The following SLC18A1 variants were observed in gnomAD, a reference collection of about 807,000 sequenced individuals.
SLC18A1 encodes the protein solute carrier family 18 member A1.
Under a neutral mutation model 53.7 loss-of-function variants are expected in SLC18A1, and 69 were observed. That is an observed-to-expected ratio of 1.28 (90% CI 1.06 to 1.57). The LOEUF (loss-of-function observed/expected upper bound fraction) is 1.57, where lower values mean the gene tolerates loss of function less well. Ranked by LOEUF, SLC18A1 falls within the 40% of genes most tolerant of loss-of-function variation. The pLI, the probability that SLC18A1 is intolerant of heterozygous loss-of-function variation, is 0.00. For synonymous variants in SLC18A1, 320 were observed against 248.1 expected, an observed-to-expected ratio of 1.29 and a Z score of -2.72; for missense variants, 932 against 668.1, an observed-to-expected ratio of 1.40 and a Z score of -4.35.
intron 4 of SLC18A1, among the ~76,000 whole-genome samples, chr8:20,177,957 C>T (rs915797626): frequency 6.6e-6 from 1 of 152,050 alleles, no homozygotes; most frequent in Non-Finnish European, 1.5e-5. Flanking sequence ...CCTTTAAAGC[C>T]CTTAACTGAA....
At chr8:20,163,435 T>C (rs529557911) in intron 10 of SLC18A1, among the ~76,000 whole-genome samples, 1 of 152,270 alleles carries the variant, frequency 6.6e-6, no homozygotes, top group South Asian at 2.1e-4. Context: ...AGTGACGTGG[T>C]CAGCATTCAA....
chr8:20,165,250 A>T, intron 8 of SLC18A1, 143 bp from the exon 9 acceptor site: 1 of 713,292 alleles, frequency 1.4e-6, no homozygotes, highest in Non-Finnish European at 2.4e-6. Flanking sequence ...ACCCCAGTAC[A>T]GGGAGAGAAA....
At chr8:20,149,423 C>T (rs2071488021) in intron 12 of SLC18A1, among the ~76,000 whole-genome samples, 1 of 152,092 alleles carries the variant, frequency 6.6e-6, no homozygotes, top group South Asian at 2.1e-4. Context: ...CCTCTCCTTT[C>T]CCACTTCCCC....
chr8:20,177,578 T>A (rs1178894285), intron 4 of SLC18A1, among the ~76,000 whole-genome samples: 1 of 152,178 alleles, frequency 6.6e-6, no homozygotes, highest in Admixed American at 6.5e-5. Context: ...ACATGGCACA[T>A]GTATACATAC....
chr8:20,148,543 G>T, intron 12 of SLC18A1: 1 of 1,126,744 alleles, frequency 8.9e-7, no homozygotes, highest in Non-Finnish European at 1.2e-6. Flanking sequence ...ATAGAGAAGA[G>T]GCCCCAACAA....
intron 5 of SLC18A1, among the ~76,000 whole-genome samples, chr8:20,173,825 A>T (rs1176078078): frequency 6.6e-6 from 1 of 152,052 alleles, no homozygotes; most frequent in Non-Finnish European, 1.5e-5. Flanking sequence ...GCTGCATCTG[A>T]ATATTAGCAG....
chr8:20,173,793 A>C (rs2072185714), intron 5 of SLC18A1, among the ~76,000 whole-genome samples: 2 of 151,946 alleles, frequency 1.3e-5, no homozygotes. Flanking sequence ...GCTTCACTGG[A>C]GGCTTGCTCT....
chr8:20,161,286 G>C (rs1160153960), intron 10 of SLC18A1, among the ~76,000 whole-genome samples: 1 of 151,970 alleles, frequency 6.6e-6, no homozygotes, highest in Non-Finnish European at 1.5e-5. Flanking sequence ...AATTATACTT[G>C]GCCCTTTGTA....
intron 7 of SLC18A1, 48 bp downstream of exon 7, chr8:20,171,357 C>A: frequency 6.5e-7 from 1 of 1,534,850 alleles, no homozygotes; most frequent in South Asian, 1.1e-5. Flanking sequence ...AATGCATTCC[C>A]AACCTGACCT....
intron 13 of SLC18A1, 69 bp downstream of exon 13, chr8:20,147,938 G>A (rs543869222): frequency 2.0e-6 from 3 of 1,538,126 alleles, no homozygotes; most frequent in African/African-American, 1.4e-5. Context: ...TGAGAAAAGG[G>A]GGAGGAAAGG....
At chr8:20,174,322 G>A (rs2072201382) in intron 5 of SLC18A1, 39 bp downstream of exon 5, 2 of 1,356,420 alleles carry the variant, frequency 1.5e-6, no homozygotes, top group Admixed American at 3.4e-5. Context: ...GTGTGTGCAT[G>A]CCTGCATGTG....
intron 8 of SLC18A1, among the ~76,000 whole-genome samples, chr8:20,168,795 C>G (rs759705043): frequency 6.6e-6 from 1 of 152,172 alleles, no homozygotes; most frequent in African/African-American, 2.4e-5. Flanking sequence ...GTCTCAAACT[C>G]CTGGTCTCAA....
chr8:20,146,653 T>C (rs935885438), intron 15 of SLC18A1, among the ~76,000 whole-genome samples: 11 of 151,988 alleles, frequency 7.2e-5, no homozygotes, highest in Admixed American at 6.6e-4. Flanking sequence ...ATAAACCCCA[T>C]CTCTACTAAA....
intron 2 of SLC18A1, among the ~76,000 whole-genome samples, 188 bp from the exon 3 acceptor site, chr8:20,179,672 C>T (rs1016080379): frequency 2.6e-5 from 4 of 152,160 alleles, no homozygotes; most frequent in Admixed American, 6.5e-5. Flanking sequence ...GCCTTATGCC[C>T]AAGGCTGGTA....
At chr8:20,171,706 G>A (rs535810515) in intron 6 of SLC18A1, among the ~76,000 whole-genome samples, 3 of 134,796 alleles carry the variant, frequency 2.2e-5, no homozygotes, top group African/African-American at 1.1e-4. Context: ...GTGTGTGTGC[G>A]CGCGCGTGTG....
At chr8:20,163,516 C>T (rs1432572103) in intron 10 of SLC18A1, among the ~76,000 whole-genome samples, 4 of 152,096 alleles carry the variant, frequency 2.6e-5, no homozygotes, top group Admixed American at 1.3e-4. Context: ...ACATAGCAAG[C>T]ACTCAGAGGC....
chr8:20,171,001 A>C, intron 8 of SLC18A1, 102 bp downstream of exon 8: 34 of 1,130,084 alleles, frequency 3.0e-5, no homozygotes, highest in Non-Finnish European at 3.7e-5. Context: ...CGCTGACCCT[A>C]TTCCTCTTCA....
intron 10 of SLC18A1, among the ~76,000 whole-genome samples, chr8:20,153,005 C>T (rs557324808): frequency 4.5e-4 from 69 of 152,220 alleles, no homozygotes; most frequent in African/African-American, 1.6e-3. Flanking sequence ...TCTGTTTTCT[C>T]AATGAGTAGG....
rs141355658 is a variant in SLC18A1, at chr8:20,173,092, T to C, written c.668A>G (p.His223Arg). The C allele has an allele frequency of 1.8e-4, 284 of 1,580,238 alleles. 3 individuals carry two copies. In the African/African-American group the frequency reaches 3.5e-3, roughly 20 times the overall value. ...AGTTCCCATGGCTCGTCCTCTCTCA[T>C]GGTCATCAGTGTAGACACTGGCCAG... is the stretch of plus-strand genomic sequence containing the variant. Reference protein sequence around the residue: ...GMLASVYTDDHERGRAMGTAL... With the variant: ...GMLASVYTDDRERGRAMGTAL... Residue 223 changes from histidine to arginine, a missense_variant, in exon 6 of 16, where the codon CAT becomes CGT. Physicochemically the swap from His to Arg is conservative, Grantham distance 29. Transcript: ENST00000276373.
Sources: allele counts gnomAD v4.1 joint callset (sites outside exome capture counted in the v4.1 genomes callset), GRCh38; gene constraint gnomAD v4.1.1; transcripts MANE v1.5; gene names NCBI Gene and HGNC (gene_info 2026-07-23, HGNC 2026-07-21).